Variants in SLC2A5 observed in about 807,000 individuals in gnomAD.
The protein encoded by SLC2A5 is solute carrier family 2, facilitated glucose transporter member 5.
Under a neutral mutation model 50.3 loss-of-function variants are expected in SLC2A5, and 56 were observed. The ratio of observed to expected loss-of-function variants is 1.11; its 90% CI spans 0.90 to 1.39. The LOEUF is 1.39. Ranked by LOEUF, SLC2A5 falls within the 40% of genes most tolerant of loss-of-function variation. The probability of loss-of-function intolerance (pLI) is 0.00; values close to 1 mark genes in which losing one functional copy is unlikely to be tolerated. For synonymous variants in SLC2A5, 269 were observed against 281.9 expected (o/e 0.95, Z 0.46); for missense variants, 566 against 650.1 (o/e 0.87, Z 1.41).
chr1:9,075,288 C>T (rs767280179), intron 2 of SLC2A5, among the ~76,000 whole-genome samples: 6 of 152,094 alleles, frequency 3.9e-5, no homozygotes, highest in Non-Finnish European at 7.4e-5. Context: ...CATCAAACAC[C>T]TCAATTTATC....
chr1:9,084,314 G>A (rs1219673802), intron 2 of SLC2A5, among the ~76,000 whole-genome samples: 2 of 152,132 alleles, frequency 1.3e-5, no homozygotes, highest in African/African-American at 4.8e-5. Context: ...ACCCATAAAG[G>A]TGGAAGCTCC....
At chr1:9,084,178 CCA>C (rs1642382643) in intron 2 of SLC2A5, among the ~76,000 whole-genome samples, 1 of 152,142 alleles carries the variant, frequency 6.6e-6, no homozygotes, top group African/African-American at 2.4e-5. Flanking sequence ...AAACCCACAT[CCA>C]CCAGTGCCAT....
chr1:9,059,606 T>C (rs1249113133), intron 1 of SLC2A5, among the ~76,000 whole-genome samples: 2 of 149,540 alleles, frequency 1.3e-5, no homozygotes, highest in Non-Finnish European at 3.0e-5. Context: ...TATAGCTCAC[T>C]GTGACCTCAA....
intron 7 of SLC2A5, 49 bp downstream of exon 7, chr1:9,039,751 C>G (rs1403148292): frequency 7.0e-7 from 1 of 1,434,768 alleles, no homozygotes; most frequent in East Asian, 2.9e-5. Flanking sequence ...ACCTGCGCCC[C>G]GCGCCCCCCG....
chr1:9,083,774 G>A (rs932850473), intron 2 of SLC2A5, among the ~76,000 whole-genome samples: 3 of 152,060 alleles, frequency 2.0e-5, no homozygotes, highest in Admixed American at 6.5e-5. Flanking sequence ...GCAGTGAGCC[G>A]AGATTGCACC....
At chr1:9,080,590 G>A (rs1273303960) in intron 2 of SLC2A5, among the ~76,000 whole-genome samples, 3 of 152,162 alleles carry the variant, frequency 2.0e-5, no homozygotes, top group Non-Finnish European at 2.9e-5. Context: ...GATGAGTGAC[G>A]TTGAGCATCT....
At chr1:9,044,388 A>G (rs1322481915) in intron 4 of SLC2A5, among the ~76,000 whole-genome samples, 1 of 152,148 alleles carries the variant, frequency 6.6e-6, no homozygotes, top group Non-Finnish European at 1.5e-5. Flanking sequence ...GAATACCTTC[A>G]GTCTTCCTGC....
At chr1:9,088,643 C>T (rs912208918), upstream of SLC2A5, among the ~76,000 whole-genome samples, 6 of 152,146 alleles carry the variant, frequency 3.9e-5, no homozygotes, top group South Asian at 2.1e-4. Flanking sequence ...ATTAGCCAGG[C>T]GTGGTGGCGG....
intron 3 of SLC2A5, 132 bp downstream of exon 3, chr1:9,057,314 AAG>A: frequency 2.1e-6 from 1 of 484,774 alleles, no homozygotes; most frequent in South Asian, 7.5e-5. Flanking sequence ...AAAAAAAAAA[AAG>A]AAAGAAAAAA....
At chr1:9,068,231 G>A (rs960372186) in intron 1 of SLC2A5, among the ~76,000 whole-genome samples, 4 of 138,818 alleles carry the variant, frequency 2.9e-5, no homozygotes, top group South Asian at 4.8e-4. Context: ...AGAAAGAAAA[G>A]TAGTAACATT....
upstream of SLC2A5, among the ~76,000 whole-genome samples, chr1:9,091,384 C>A (rs1269951108): frequency 6.6e-6 from 1 of 152,200 alleles, no homozygotes; most frequent in Non-Finnish European, 1.5e-5. Flanking sequence ...TTTTTCCAAA[C>A]AACTGGACCC....
In SLC2A5 at chr1:9,063,677, T is replaced by C. The variant is rs1282068891; in HGVS notation, c.34-5427A>G. Among the ~76,000 whole-genome samples, 4 of 111,210 alleles carry C rather than the reference T, an allele frequency of 3.6e-5. No individual in the cohort carries two copies. The South Asian group carries it at 1.2e-3, about 33-fold the overall frequency. 73.0% of individuals were successfully genotyped at this position (111,210 alleles called of 152,430 possible). ...TGTGAGCCAACACATCAGGCTATTA[T>C]TTACTTTTTTTTTTTTTTTTTTTTT... On this transcript the variant is annotated intron_variant, in intron 1 of 11. Transcript: ENST00000377424.
At chr1:9,068,469 G>A (rs78100382) in intron 1 of SLC2A5, among the ~76,000 whole-genome samples, 1 of 86,760 alleles carries the variant, frequency 1.2e-5, no homozygotes, top group South Asian at 3.8e-4. Context: ...TTTTTTTTTT[G>A]AGATGAAGTT....
At chr1:9,073,704 C>A (rs530593235), upstream of SLC2A5, among the ~76,000 whole-genome samples, 6 of 152,310 alleles carry the variant, frequency 3.9e-5, no homozygotes, top group East Asian at 1.2e-3. Flanking sequence ...CTACCAAAGC[C>A]CCTGGTGGTG....
At chr1:9,053,427 A>ATATATTTATATATTATATATAT (rs1641664481) in intron 3 of SLC2A5, among the ~76,000 whole-genome samples, 1 of 83,474 alleles carries the variant, frequency 1.2e-5, no homozygotes, top group Non-Finnish European at 2.1e-5. Flanking sequence ...ATTTATATAT[A>ATATATTTATATATTATATATAT]TTATATATTT....
chr1:9,051,982 A>G (rs955740794), intron 3 of SLC2A5, among the ~76,000 whole-genome samples: 10 of 152,216 alleles, frequency 6.6e-5, no homozygotes, highest in Non-Finnish European at 1.2e-4. Context: ...TTCAGTACAT[A>G]TTAGTAAAAG....
intron 3 of SLC2A5, among the ~76,000 whole-genome samples, chr1:9,049,495 G>A (rs1230625185): frequency 6.6e-6 from 1 of 151,664 alleles, no homozygotes; most frequent in East Asian, 1.9e-4. Context: ...AGGCCAAGGC[G>A]GGCGGCATCA....
At position 9,053,252 on chromosome 1, in the gene SLC2A5, A is replaced by T. The variant is rs1390893248; in HGVS notation, c.293+4196T>A. ...TATTATATATTTATATATTATATTTATATATTATATATTTATATTATATAT... is the reference window on the plus strand; with the variant it reads ...TATTATATATTTATATATTATATTTTTATATTATATATTTATATTATATAT... On this transcript the variant is annotated intron_variant, in intron 3 of 11. Coordinates refer to ENST00000377424, the MANE Select transcript of SLC2A5 (RefSeq NM_003039.3). Among the ~76,000 whole-genome samples the T allele has an allele frequency of 1.3e-3, 17 of 12,708 alleles. 1 individual carries two copies. The highest frequency in any genetic ancestry group is 2.0e-3 in the South Asian group (1 of 496). The allele number at this position is 12,708 out of a possible 152,430, so 8.3% of individuals were successfully genotyped here.
chr1:9,065,694 C>A (rs1283365971), intron 1 of SLC2A5, among the ~76,000 whole-genome samples: 1 of 152,122 alleles, frequency 6.6e-6, no homozygotes, highest in African/African-American at 2.4e-5. Context: ...TCAGTTCCTT[C>A]ACCTTTAGAA....
Sources: gnomAD v4.1 joint callset for allele counts (sites outside exome capture counted in the v4.1 genomes callset) on GRCh38, gnomAD v4.1.1 for gene constraint, MANE v1.5 for transcripts, NCBI Gene and HGNC (gene_info 2026-07-23, HGNC 2026-07-21) for gene names.